Variants in BTBD16 observed in about 807,000 individuals in gnomAD.
BTBD16 encodes the protein BTB/POZ domain-containing protein 16.
In BTBD16, 66 loss-of-function variants were observed where a neutral mutation model predicts 67.4. The observed-to-expected ratio is 0.98, with a 90% CI of 0.80 to 1.20. BTBD16 has a LOEUF of 1.20. Among genes scored for constraint, BTBD16 ranks in the 50% most tolerant of loss-of-function variants. The pLI, the probability that BTBD16 is intolerant of heterozygous loss-of-function variation, is 0.00. For missense variants in BTBD16, 634 were observed against 616.0 expected (o/e 1.03, Z -0.31); for synonymous variants, 242 against 236.4 (o/e 1.02, Z -0.22).
intron 11 of BTBD16, among the ~76,000 whole-genome samples, chr10:122,330,855 G>A (rs1221599266): frequency 6.6e-6 from 1 of 152,068 alleles, no homozygotes; most frequent in Non-Finnish European, 1.5e-5. Flanking sequence ...CAGCCTCCCA[G>A]GTAGCTGGGA....
chr10:122,297,316 G>T (rs769947915), intron 7 of BTBD16, among the ~76,000 whole-genome samples: 11 of 152,162 alleles, frequency 7.2e-5, no homozygotes, highest in Non-Finnish European at 1.5e-4. Context: ...TCATGAGCTC[G>T]CAGAGACCTT....
chr10:122,329,424 A>T, intron 10 of BTBD16, 56 bp from the exon 11 acceptor site: 1 of 1,556,342 alleles, frequency 6.4e-7, no homozygotes, highest in East Asian at 2.2e-5. Flanking sequence ...AGCCCGAGCT[A>T]ATTCCAGAGA....
Position 122,336,616 on chromosome 10 carries a change from G to A in BTBD16, c.1386G>A (p.Trp462Ter). The A allele has an allele frequency of 1.9e-6, 3 of 1,612,794 alleles. No individual in the cohort carries two copies. The highest frequency in any genetic ancestry group is 1.7e-5 in the Admixed American group (1 of 59,582). ...IRAEALVDGK[W>*]QEFRTNQIKQ... ...CAGAGGCCCTGGTTGACGGCAAGTG[G>A]CAGGAGTTCAGGACAAACCAGATCA... Residue 462 changes from tryptophan to a stop codon, truncating the protein, a stop_gained, in exon 15 of 16, where the codon TGG (tryptophan) becomes TGA (stop). Transcript: ENST00000260723. LOFTEE classifies it high-confidence loss of function.
chr10:122,320,633 G>A (rs2096433872), intron 10 of BTBD16, among the ~76,000 whole-genome samples: 1 of 151,990 alleles, frequency 6.6e-6, no homozygotes, highest in Non-Finnish European at 1.5e-5. Flanking sequence ...TTGACCTATG[G>A]ATTATTTAGA....
At chr10:122,318,872 T>G (rs1198121425) in intron 10 of BTBD16, among the ~76,000 whole-genome samples, 3 of 152,122 alleles carry the variant, frequency 2.0e-5, no homozygotes, top group African/African-American at 7.2e-5. Flanking sequence ...AGGCGTTCAT[T>G]TGCTCCACAT....
intron 9 of BTBD16, among the ~76,000 whole-genome samples, chr10:122,304,278 GA>G: frequency 6.6e-6 from 1 of 152,358 alleles, no homozygotes; most frequent in Non-Finnish European, 1.5e-5. Flanking sequence ...ACTCTGTTCA[GA>G]AATAGCATGA....
intron 10 of BTBD16, among the ~76,000 whole-genome samples, chr10:122,319,766 A>G (rs1194670687): frequency 6.6e-6 from 1 of 152,116 alleles, no homozygotes; most frequent in Non-Finnish European, 1.5e-5. Flanking sequence ...AATCTCGTGG[A>G]ATTTTGATAA....
In BTBD16 at chr10:122,299,094, A is replaced by G; in HGVS notation, c.751A>G (p.Ile251Val). ...LGGTQIHLHK[I>V]PQDLLHKVLK... Reference sequence around the variant, plus strand: ...GGGGACGCAGATCCACCTCCACAAAATCCCACAGGACCTGCTCCACAAAGT... The same window carrying G: ...GGGGACGCAGATCCACCTCCACAAAGTCCCACAGGACCTGCTCCACAAAGT... The change falls in exon 9 of 16, where the codon ATC (isoleucine) becomes GTC (valine). Residue 251 changes from isoleucine to valine, a missense_variant. Coordinates refer to ENST00000260723, the MANE Select transcript of BTBD16 (RefSeq NM_144587.5). 1 of 1,613,904 alleles carries G rather than the reference A, an allele frequency of 6.2e-7. No individual in the cohort carries two copies. Among genetic ancestry groups the G allele is most frequent in the Non-Finnish European group, 8.5e-7 (1 of 1,179,950 alleles).
intron 1 of BTBD16, among the ~76,000 whole-genome samples, chr10:122,273,243 T>TATAC (rs1564943301): frequency 7.1e-6 from 1 of 140,448 alleles, no homozygotes; most frequent in African/African-American, 2.6e-5. Context: ...TATATATATA[T>TATAC]ATACACACAT....
chr10:122,288,877 G>A (rs1433355318), intron 5 of BTBD16, among the ~76,000 whole-genome samples: 1 of 152,178 alleles, frequency 6.6e-6, no homozygotes, highest in Non-Finnish European at 1.5e-5. Flanking sequence ...GATGGGCAGA[G>A]CGGTGGGCAG....
intron 10 of BTBD16, among the ~76,000 whole-genome samples, chr10:122,328,311 G>A (rs563764551): frequency 3.3e-5 from 5 of 152,256 alleles, no homozygotes; most frequent in South Asian, 2.1e-4. Flanking sequence ...GAAAGCATCC[G>A]CCTGACCTTA....
intron 7 of BTBD16, chr10:122,291,745 G>A (rs2096374470): frequency 1.3e-5 from 2 of 152,156 alleles, no homozygotes; most frequent in Non-Finnish European, 1.5e-5. Context: ...TTGGAAGAGA[G>A]GAAAATGCAA....
At chr10:122,328,650 C>A in intron 10 of BTBD16, 1 of 543,266 alleles carries the variant, frequency 1.8e-6, no homozygotes, top group Non-Finnish European at 2.3e-6. Context: ...CTGGGTGGGT[C>A]CTATGCAGGC....
At position 122,275,092 on chromosome 10, in the gene BTBD16, C is replaced by G; in HGVS notation, c.11C>G (p.Ser4Trp). The stretch of plus-strand genomic sequence containing the variant: ...TTTCCACTTTCATTCATGATAATGT[C>G]GAACACGGTGAGTAGATCAGTTTCT... MIMSNTHKARLERR... is the reference protein window; with the variant it reads MIMWNTHKARLERR... The change falls in exon 2 of 16, where the codon TCG (serine) becomes TGG (tryptophan). Residue 4 changes from serine (S) to tryptophan (W), a missense_variant. By Grantham distance (177) the Ser-to-Trp change is radical. Coordinates refer to ENST00000260723, the MANE Select transcript of BTBD16 (RefSeq NM_144587.5). The G allele has an allele frequency of 6.2e-7, 1 of 1,613,814 alleles. No individual in the cohort carries two copies.
In BTBD16 at chr10:122,297,831, C is replaced by A. The variant is rs754204482; in HGVS notation, c.654C>A (p.Gly218=). 2 of 1,614,116 alleles carry A rather than the reference C, an allele frequency of 1.2e-6. No individual in the cohort carries two copies. Among genetic ancestry groups the A allele is most frequent in the Admixed American group, 3.3e-5 (2 of 60,032 alleles). ...PSTIKKFYEA[G]CKYKEEQLTT... ...CCATCAAGAAATTCTACGAGGCCGG[C>A]TGCAAGGTGAGAACAACCCAGACGG... Residue 218 remains glycine, a synonymous_variant, in exon 8 of 16, where the codon GGC becomes GGA. Coordinates refer to ENST00000260723, the MANE Select transcript of BTBD16 (RefSeq NM_144587.5).
rs117285988 is a variant in BTBD16, at chr10:122,289,866, C to T, written c.386-43C>T. Reference sequence around the variant, plus strand: ...GGTGCCTCCCACTGTGTCTTCACCACGGTTATCACATCCTGCCATCATCAT... The same window carrying T: ...GGTGCCTCCCACTGTGTCTTCACCATGGTTATCACATCCTGCCATCATCAT... On this transcript the variant is annotated intron_variant, in intron 5 of 15. Transcript: ENST00000260723. 294 of 1,514,880 alleles carry T rather than the reference C, an allele frequency of 1.9e-4. 2 individuals are homozygous for T. In the Middle Eastern group the frequency reaches 2.4e-3, roughly 12 times the overall value. 93.8% of individuals were successfully genotyped at this position (1,514,880 alleles called of 1,614,324 possible).
chr10:122,275,298 G>A (rs1396664558), intron 2 of BTBD16, among the ~76,000 whole-genome samples, 199 bp downstream of exon 2: 2 of 152,158 alleles, frequency 1.3e-5, no homozygotes, highest in African/African-American at 4.8e-5. Flanking sequence ...AGCTGACGAT[G>A]TTTTACTTTG....
chr10:122,274,928 G>A (rs765687588), intron 1 of BTBD16, 112 bp from the exon 2 acceptor site: 13 of 662,850 alleles, frequency 2.0e-5, no homozygotes, highest in East Asian at 8.1e-5. Flanking sequence ...ACCCACATTC[G>A]AGGCTTATTC....
chr10:122,290,615 C>T (rs1007865), intron 6 of BTBD16, among the ~76,000 whole-genome samples: 91,681 of 152,052 alleles, frequency 0.6, 29,106 homozygotes, highest in African/African-American at 0.82. Context: ...GGCAGTTCAG[C>T]TCCTGAACCA....
Sources: allele counts gnomAD v4.1 joint callset (sites outside exome capture counted in the v4.1 genomes callset), GRCh38; gene constraint gnomAD v4.1.1; transcripts MANE v1.5; gene names NCBI Gene and HGNC (gene_info 2026-07-23, HGNC 2026-07-21).